The following CCNG2 variants were observed in gnomAD, a reference collection of about 807,000 sequenced individuals.
CCNG2 encodes cyclin-G2.
CCNG2 carries 20 observed loss-of-function variants against 36.5 expected under a neutral mutation model. The ratio of observed to expected loss-of-function variants is 0.55; its 90% confidence interval spans 0.39 to 0.80. The LOEUF (loss-of-function observed/expected upper bound fraction) is 0.80. Ranked by LOEUF, CCNG2 falls within the 30% of genes least tolerant of loss-of-function variation. The pLI is 0.00. For missense variants in CCNG2, 358 were observed against 390.8 expected (o/e 0.92, Z 0.71); for synonymous variants, 155 against 140.1 (o/e 1.11, Z -0.75).
chr4:77,165,940 G>A lies in CCNG2; in HGVS notation c.*16G>A, dbSNP rs764120063. ...TCCATCTTAGAAATCTGATTGTTCTGTCAGAATTTATATTTACAGGTTTCA... is the reference window on the plus strand; with the variant it reads ...TCCATCTTAGAAATCTGATTGTTCTATCAGAATTTATATTTACAGGTTTCA... On this transcript the variant is annotated 3_prime_UTR_variant, in exon 8 of 8. Transcript: ENST00000316355. The A allele has an allele frequency of 6.3e-7, 1 of 1,587,792 alleles. No homozygotes were observed. Among genetic ancestry groups the A allele is most frequent in the Non-Finnish European group, 8.5e-7 (1 of 1,171,514 alleles).
rs768629171 is a variant in CCNG2, at chr4:77,164,255, T to C, written c.706-19T>C. ...TTTGGGAGACATTGCCGTAACCTCT[T>C]AAAATATTTTTTTTTCAGATTAATG... On this transcript the variant is annotated intron_variant, in intron 6 of 7. Coordinates refer to ENST00000316355, the MANE Select transcript of CCNG2 (RefSeq NM_004354.3). 2.5e-6 allele frequency: 4 copies of C among 1,600,320 alleles called. No homozygotes were observed. Among genetic ancestry groups the C allele is most frequent in the Admixed American group, 3.3e-5 (2 of 59,896 alleles).
intron 6 of CCNG2, among the ~76,000 whole-genome samples, chr4:77,163,991 A>G (rs886228899): frequency 2.0e-5 from 3 of 152,170 alleles, no homozygotes; most frequent in Admixed American, 1.3e-4. Flanking sequence ...CTTTCTGTGT[A>G]TTGAATCCTA....
chr4:77,170,048 A>G lies in CCNG2; in HGVS notation c.*4124A>G, dbSNP rs533987754. On this transcript the variant is annotated 3_prime_UTR_variant, in exon 8 of 8. Coordinates refer to ENST00000316355, the MANE Select transcript of CCNG2 (RefSeq NM_004354.3). ...AGTGTATTAACAGAATAAAGAATGA[A>G]CTTTAAAACACACACGCTGGTTATA... 5.3e-5 allele frequency: 8 copies of G among 152,332 alleles called. No homozygotes were observed. Among genetic ancestry groups the G allele is most frequent in the Admixed American group, 4.6e-4 (7 of 15,300 alleles). The allele number at this position is 152,332 out of a possible 1,614,324, so 9.4% of individuals were successfully genotyped here.
Position 77,165,935 on chromosome 4 carries a change from G to A in CCNG2, c.*11G>A. ...TGCTTTCCATCTTAGAAATCTGATT[G>A]TTCTGTCAGAATTTATATTTACAGG... On this transcript the variant is annotated 3_prime_UTR_variant, in exon 8 of 8. Coordinates refer to ENST00000316355, the MANE Select transcript of CCNG2 (RefSeq NM_004354.3). 6.3e-7 allele frequency: 1 copy of A among 1,589,530 alleles called. No homozygotes were observed. Among genetic ancestry groups the A allele is most frequent in the Non-Finnish European group, 8.5e-7 (1 of 1,172,464 alleles).
chr4:77,166,036 T>C lies in CCNG2; in HGVS notation c.*112T>C. 1.1e-6 allele frequency: 1 copy of C among 950,430 alleles called. No individual in the cohort carries two copies. The highest frequency in any genetic ancestry group is 1.8e-5 in the South Asian group (1 of 55,218). 58.9% of individuals were successfully genotyped at this position (950,430 alleles called of 1,614,324 possible). Reference sequence around the variant, plus strand: ...CTAGTCAGGAATTAATATACTGGAATACCTACCTTCTATTTGTTATTCAGA... The same window carrying C: ...CTAGTCAGGAATTAATATACTGGAACACCTACCTTCTATTTGTTATTCAGA... On this transcript the variant is annotated 3_prime_UTR_variant, in exon 8 of 8. Transcript: ENST00000316355.
intron 7 of CCNG2, 66 bp downstream of exon 7, chr4:77,164,545 A>T: frequency 8.5e-7 from 1 of 1,182,332 alleles, no homozygotes; most frequent in Non-Finnish European, 1.2e-6. Context: ...TTATACTCAG[A>T]ACTGGAATAG....
chr4:77,167,766 A>G lies in CCNG2; in HGVS notation c.*1842A>G, dbSNP rs1229113848. 2 of 151,972 alleles carry G rather than the reference A, an allele frequency of 1.3e-5. No individual in the cohort carries two copies. Among genetic ancestry groups the G allele is most frequent in the Non-Finnish European group, 2.9e-5 (2 of 67,922 alleles). The allele number at this position is 151,972 out of a possible 1,614,324, so 9.4% of individuals were successfully genotyped here. A position where few individuals can be genotyped will look rare whatever the true frequency, so the allele number is the denominator to read the frequency against. Reference sequence around the variant, plus strand: ...GTACACTGAATATGGTTTTCATGTAACACCTCTTCTCTGGAGATAGGGGTA... The same window carrying G: ...GTACACTGAATATGGTTTTCATGTAGCACCTCTTCTCTGGAGATAGGGGTA... On this transcript the variant is annotated 3_prime_UTR_variant, in exon 8 of 8. Transcript: ENST00000316355.
intron 1 of CCNG2, among the ~76,000 whole-genome samples, chr4:77,158,128 C>T (rs374789484): frequency 1.3e-5 from 2 of 152,078 alleles, no homozygotes; most frequent in African/African-American, 4.8e-5. Flanking sequence ...TCCCCTCCCC[C>T]CTATTGTGCA....
rs1560422329 is a variant in CCNG2, at chr4:77,160,864, G to A, written c.420G>A (p.Arg140=). The change falls in exon 4 of 8, where the codon CGG becomes CGA. Residue 140 remains arginine, a synonymous_variant. Coordinates refer to ENST00000316355, the MANE Select transcript of CCNG2 (RefSeq NM_004354.3). ...QCKCTASDIK[R]MEKIISEKLH... Reference sequence around the variant, plus strand: ...AATGTACTGCTTCTGACATAAAACGGATGGAAAAAATAATTTCAGAAAAAT... The same window carrying A: ...AATGTACTGCTTCTGACATAAAACGAATGGAAAAAATAATTTCAGAAAAAT... The A allele has an allele frequency of 6.2e-7, 1 of 1,613,750 alleles. No homozygotes were observed. The highest frequency in any genetic ancestry group is 8.5e-7 in the Non-Finnish European group (1 of 1,179,970).
At chr4:77,161,428 A>T in intron 4 of CCNG2, 52 bp from the exon 5 acceptor site, 1 of 1,271,252 alleles carries the variant, frequency 7.9e-7, no homozygotes, top group South Asian at 1.3e-5. Flanking sequence ...ATCATTTAAA[A>T]TCATTTAAAT....
Position 77,161,662 on chromosome 4 carries a change from C to A in CCNG2, c.620C>A (p.Ala207Asp). ...TTTTTCTTACAGCCATCTGTATTAG[C>A]CTTGTGCCTTCTCAATTTGGAAGTG... Reference protein sequence around the residue: ...IFSKAKPSVLALCLLNLEVET... With the variant: ...IFSKAKPSVLDLCLLNLEVET... The change falls in exon 6 of 8, where the codon GCC becomes GAC. Residue 207 changes from alanine to aspartate, a missense_variant. Physicochemically the swap from Ala to Asp is moderately radical, Grantham distance 126 (BLOSUM62 -2). Coordinates refer to ENST00000316355, the MANE Select transcript of CCNG2 (RefSeq NM_004354.3). 6.2e-7 allele frequency: 1 copy of A among 1,604,232 alleles called. No individual in the cohort carries two copies. Among genetic ancestry groups the A allele is most frequent in the Non-Finnish European group, 8.5e-7 (1 of 1,175,402 alleles).
At chr4:77,161,205 C>T (rs984798215) in intron 4 of CCNG2, among the ~76,000 whole-genome samples, 5 of 148,922 alleles carry the variant, frequency 3.4e-5, no homozygotes, top group African/African-American at 5.0e-5. Context: ...CGGGTTCAAG[C>T]GATTCTCCTG....
intron 6 of CCNG2, among the ~76,000 whole-genome samples, chr4:77,163,449 A>T (rs956601282): frequency 6.6e-6 from 1 of 152,198 alleles, no homozygotes; most frequent in African/African-American, 2.4e-5. Flanking sequence ...GTGGGTTAGG[A>T]TGTAGCTACA....
At chr4:77,161,588 C>G (rs1266723769) in intron 5 of CCNG2, 30 bp downstream of exon 5, 3 of 1,579,282 alleles carry the variant, frequency 1.9e-6, no homozygotes, top group Non-Finnish European at 2.6e-6. Context: ...ATGTATATAT[C>G]TCACAGTTTG....
At chr4:77,163,564 T>C (rs568791579) in intron 6 of CCNG2, among the ~76,000 whole-genome samples, 24 of 152,372 alleles carry the variant, frequency 1.6e-4, no homozygotes, top group South Asian at 1.4e-3. Flanking sequence ...GCTTTAGTTA[T>C]GATTTTATTA....
At chr4:77,160,080 T>C (rs573430572) in intron 3 of CCNG2, among the ~76,000 whole-genome samples, 8 of 152,336 alleles carry the variant, frequency 5.3e-5, no homozygotes, top group African/African-American at 1.7e-4. Flanking sequence ...TATGTCCCAC[T>C]CTGCACAACT....
At chr4:77,164,576 A>G (rs1417788156) in intron 7 of CCNG2, 97 bp downstream of exon 7, 1 of 834,024 alleles carries the variant, frequency 1.2e-6, no homozygotes, top group Admixed American at 2.6e-5. Flanking sequence ...CAGAGAAAGC[A>G]AGCACCTACA....
chr4:77,157,212 T>C lies in CCNG2; in HGVS notation c.-295T>C, dbSNP rs1731276279. On this transcript the variant is annotated 5_prime_UTR_variant, in exon 1 of 8. Coordinates refer to ENST00000316355, the MANE Select transcript of CCNG2 (RefSeq NM_004354.3). ...GCCCCCTTGGGGGCGTCGAAACTCT[T>C]AACAAAAACAAGGGGCTCGGGGAGG... The C allele has an allele frequency of 6.6e-6, 1 of 151,784 alleles. No individual in the cohort carries two copies. The highest frequency in any genetic ancestry group is 6.5e-5 in the Admixed American group (1 of 15,270). The allele number at this position is 151,784 out of a possible 1,614,324, so 9.4% of individuals were successfully genotyped here. A position where few individuals can be genotyped will look rare whatever the true frequency, so the allele number is the denominator to read the frequency against.
rs1731699154 is a variant in CCNG2 at position 77,168,964 on chromosome 4, T to TG, written c.*3041dup. 1 of 152,304 alleles carries TG rather than the reference T, an allele frequency of 6.6e-6. No homozygotes were observed. The highest frequency in any genetic ancestry group is 2.1e-4 in the South Asian group (1 of 4,836). 9.4% of individuals were successfully genotyped at this position (152,304 alleles called of 1,614,324 possible). A position where few individuals can be genotyped will look rare whatever the true frequency, so the allele number is the denominator to read the frequency against. The stretch of plus-strand genomic sequence containing the variant: ...GGATGTGGTGCACGCACTTTGCTGT[T>TG]GCGCATGGTGAAGTATTGTGCCTAG... On this transcript the variant is annotated 3_prime_UTR_variant, in exon 8 of 8. Coordinates refer to ENST00000316355, the MANE Select transcript of CCNG2 (RefSeq NM_004354.3).
Sources: allele counts gnomAD v4.1 joint callset (sites outside exome capture counted in the v4.1 genomes callset), GRCh38; gene constraint gnomAD v4.1.1; transcripts MANE v1.5; gene names NCBI Gene and HGNC (gene_info 2026-07-23, HGNC 2026-07-21).